Variants in ELMO1 observed in about 807,000 individuals in gnomAD.
The protein encoded by ELMO1 is engulfment and cell motility protein 1.
A neutral mutation model predicts 98.9 loss-of-function variants in ELMO1; 26 were observed. That is an observed-to-expected ratio of 0.26 (90% CI 0.19 to 0.36). The LOEUF (loss-of-function observed/expected upper bound fraction) is 0.36, where lower values mean the gene tolerates loss of function less well. Ranked by LOEUF, ELMO1 falls within the 10% of genes least tolerant of loss-of-function variation. The pLI, the probability that ELMO1 is intolerant of heterozygous loss-of-function variation, is 1.00. For missense variants in ELMO1, 627 were observed against 935.2 expected (o/e 0.67, Z 4.30); for synonymous variants, 346 against 346.0 (o/e 1.00, Z 0.00).
At chr7:37,428,264 C>A (rs1010856411) in intron 1 of ELMO1, among the ~76,000 whole-genome samples, 7 of 151,694 alleles carry the variant, frequency 4.6e-5, no homozygotes, top group African/African-American at 1.7e-4. Flanking sequence ...AAAAAAAAAA[C>A]TGAGTGATCA....
intron 15 of ELMO1, among the ~76,000 whole-genome samples, chr7:37,047,670 G>A (rs1795872603): frequency 6.6e-6 from 1 of 152,304 alleles, no homozygotes; most frequent in South Asian, 2.1e-4. Flanking sequence ...CACTACAAAC[G>A]TGTCTGAATT....
chr7:37,303,814 C>T (rs1798469185), intron 4 of ELMO1, among the ~76,000 whole-genome samples: 1 of 152,166 alleles, frequency 6.6e-6, no homozygotes, highest in Non-Finnish European at 1.5e-5. Context: ...TTTGTCCTTG[C>T]CTGCAATTCT....
chr7:37,385,700 A>G (rs1404108951), intron 1 of ELMO1, among the ~76,000 whole-genome samples: 3 of 152,248 alleles, frequency 2.0e-5, no homozygotes, highest in Non-Finnish European at 4.4e-5. Context: ...AGGGTCTGGT[A>G]GATATTGACA....
chr7:36,896,329 T>G (rs1298041703), intron 16 of ELMO1, among the ~76,000 whole-genome samples: 1 of 152,196 alleles, frequency 6.6e-6, no homozygotes, highest in Non-Finnish European at 1.5e-5. Context: ...GGATTTGGCA[T>G]AGATTTGATG....
chr7:36,992,989 T>C (rs954809459), intron 16 of ELMO1, among the ~76,000 whole-genome samples: 1 of 152,036 alleles, frequency 6.6e-6, no homozygotes, highest in African/African-American at 2.4e-5. Flanking sequence ...CAGAAAAGAG[T>C]GCATCAGGGA....
chr7:36,945,715 G>C (rs1787420945), intron 16 of ELMO1, among the ~76,000 whole-genome samples: 1 of 152,154 alleles, frequency 6.6e-6, no homozygotes, highest in African/African-American at 2.4e-5. Context: ...CAGAGTCCAT[G>C]CCTGCTAACA....
At chr7:37,442,209 G>T (rs1208339551) in intron 1 of ELMO1, among the ~76,000 whole-genome samples, 1 of 152,172 alleles carries the variant, frequency 6.6e-6, no homozygotes, top group African/African-American at 2.4e-5. Flanking sequence ...AGCCCGAAAT[G>T]TCAATAGCAC....
At chr7:37,367,286 T>C (rs1290957723) in intron 1 of ELMO1, among the ~76,000 whole-genome samples, 1 of 152,164 alleles carries the variant, frequency 6.6e-6, no homozygotes, top group Non-Finnish European at 1.5e-5. Flanking sequence ...CCTCTCTTTC[T>C]CTCTCCCACT....
intron 13 of ELMO1, among the ~76,000 whole-genome samples, chr7:37,201,341 A>G (rs1792283097): frequency 6.6e-6 from 1 of 152,202 alleles, no homozygotes; most frequent in Non-Finnish European, 1.5e-5. Context: ...TTTTACAGCC[A>G]ACATTCATAG....
chr7:37,092,659 G>T (rs1222450905), intron 15 of ELMO1, among the ~76,000 whole-genome samples: 1 of 152,090 alleles, frequency 6.6e-6, no homozygotes, highest in African/African-American at 2.4e-5. Context: ...ACAGGCGTGA[G>T]CCAACACATC....
intron 10 of ELMO1, among the ~76,000 whole-genome samples, chr7:37,221,583 C>T (rs1464580921): frequency 6.6e-6 from 1 of 152,182 alleles, no homozygotes; most frequent in Non-Finnish European, 1.5e-5. Context: ...TCCACTTCTT[C>T]ACATCCCCTC....
intron 15 of ELMO1, among the ~76,000 whole-genome samples, chr7:37,032,978 A>G (rs949887876): frequency 7.9e-5 from 12 of 152,172 alleles, no homozygotes; most frequent in Admixed American, 3.9e-4. Context: ...GGATGGGTGG[A>G]ATCTAAATCA....
intron 16 of ELMO1, among the ~76,000 whole-genome samples, chr7:36,908,848 G>C (rs756499443): frequency 5.3e-5 from 8 of 152,170 alleles, no homozygotes; most frequent in Non-Finnish European, 1.2e-4. Flanking sequence ...CTATCTGCTA[G>C]AGGCAACAGA....
intron 13 of ELMO1, among the ~76,000 whole-genome samples, chr7:37,166,582 C>T (rs1158440686): frequency 6.6e-5 from 10 of 152,070 alleles, no homozygotes; most frequent in Non-Finnish European, 4.4e-5. Flanking sequence ...TTTTTGCCTT[C>T]ATTTCGTTAT....
In ELMO1 at chr7:37,305,162, T is replaced by C. The variant is rs556173155; in HGVS notation, c.192+9688A>G. Among the ~76,000 whole-genome samples the C allele has an allele frequency of 1.1e-3, 160 of 152,330 alleles. 1 individual carries two copies. Among genetic ancestry groups the C allele is most frequent in the African/African-American group, 3.3e-3 (138 of 41,576 alleles). On this transcript the variant is annotated intron_variant, in intron 4 of 21. Coordinates refer to ENST00000310758, the MANE Select transcript of ELMO1 (RefSeq NM_014800.11). ...TGAAGATGGTGAGTCATGTGATTAT[T>C]AATGGATCTTAGCCTAGGGTGAAAT...
At chr7:37,094,217 T>C (rs1006818703) in intron 15 of ELMO1, among the ~76,000 whole-genome samples, 3 of 152,224 alleles carry the variant, frequency 2.0e-5, no homozygotes, top group Non-Finnish European at 2.9e-5. Context: ...CCAGTCTCAA[T>C]GCAGAAACCA....
intron 1 of ELMO1, among the ~76,000 whole-genome samples, chr7:37,428,532 T>A (rs1298659454): frequency 6.6e-6 from 1 of 152,232 alleles, no homozygotes; most frequent in Admixed American, 6.5e-5. Context: ...TGGAATGACA[T>A]TTCTTTTTGT....
chr7:36,904,413 A>C (rs1160856812), intron 16 of ELMO1, among the ~76,000 whole-genome samples: 1 of 152,194 alleles, frequency 6.6e-6, no homozygotes, highest in Non-Finnish European at 1.5e-5. Flanking sequence ...AGGCAGCTTC[A>C]AGCATCCTGA....
chr7:37,204,990 G>A (rs532348766), intron 13 of ELMO1, among the ~76,000 whole-genome samples: 3 of 152,270 alleles, frequency 2.0e-5, no homozygotes, highest in Admixed American at 6.5e-5. Flanking sequence ...CAAACCTTTA[G>A]CTAGACACAG....
Sources: allele counts gnomAD v4.1 joint callset (sites outside exome capture counted in the v4.1 genomes callset), GRCh38; gene constraint gnomAD v4.1.1; transcripts MANE v1.5; gene names NCBI Gene and HGNC (gene_info 2026-07-23, HGNC 2026-07-21).